The following EIF3H variants were observed in gnomAD, a reference collection of about 807,000 sequenced individuals.
The protein encoded by EIF3H is eIF-3-gamma.
Under a neutral mutation model 44.2 loss-of-function variants are expected in EIF3H, and 26 were observed. That is an observed-to-expected ratio of 0.59 (90% CI 0.43 to 0.82). The LOEUF (loss-of-function observed/expected upper bound fraction) is 0.82, where lower values mean the gene tolerates loss of function less well. EIF3H is among the 40% of genes least tolerant of loss of function. The pLI is 0.00. For synonymous variants in EIF3H, 166 were observed against 151.9 expected (o/e 1.09, Z -0.68); for missense variants, 359 against 432.8 (o/e 0.83, Z 1.51).
chr8:116,676,728 G>A (rs1813854429), intron 2 of EIF3H, among the ~76,000 whole-genome samples: 1 of 152,196 alleles, frequency 6.6e-6, no homozygotes, highest in South Asian at 2.1e-4. Context: ...TCATCCTTCA[G>A]TCTTGGCTTA....
intron 2 of EIF3H, among the ~76,000 whole-genome samples, chr8:116,672,390 C>T (rs1563638475): frequency 6.6e-6 from 1 of 152,178 alleles, no homozygotes; most frequent in Non-Finnish European, 1.5e-5. Context: ...CTTTGGAAGG[C>T]TAAGGCGGGA....
chr8:116,698,799 A>C (rs1350180175), intron 2 of EIF3H, among the ~76,000 whole-genome samples: 1 of 152,176 alleles, frequency 6.6e-6, no homozygotes, highest in African/African-American at 2.4e-5. Flanking sequence ...CTGAGACATA[A>C]ATCACTGTAT....
chr8:116,710,810 T>TA (rs1814561128), intron 2 of EIF3H, among the ~76,000 whole-genome samples: 1 of 152,186 alleles, frequency 6.6e-6, no homozygotes, highest in Non-Finnish European at 1.5e-5. Flanking sequence ...CTCTGGGACT[T>TA]AGTTTCCCAT....
At chr8:116,754,402 C>T (rs919783553) in intron 1 of EIF3H, among the ~76,000 whole-genome samples, 2 of 152,180 alleles carry the variant, frequency 1.3e-5, no homozygotes, top group Non-Finnish European at 2.9e-5. Flanking sequence ...TGAGCCACCA[C>T]GCCCGGCCTG....
chr8:116,663,101 C>T (rs1813608207), intron 2 of EIF3H, among the ~76,000 whole-genome samples: 1 of 152,102 alleles, frequency 6.6e-6, no homozygotes, highest in Admixed American at 6.5e-5. Flanking sequence ...ACTATGAGGT[C>T]CTGCTATTTG....
chr8:116,734,586 C>T (rs1040799979), intron 1 of EIF3H, among the ~76,000 whole-genome samples: 12 of 152,078 alleles, frequency 7.9e-5, no homozygotes, highest in East Asian at 1.9e-4. Context: ...GACAGGATCT[C>T]GCTCTGTCAC....
chr8:116,673,691 C>A (rs945391853), intron 2 of EIF3H, among the ~76,000 whole-genome samples: 3 of 152,138 alleles, frequency 2.0e-5, no homozygotes, highest in African/African-American at 7.2e-5. Context: ...AAGATTCATG[C>A]AAGCATCTTT....
Position 116,735,471 on chromosome 8 carries a change from T to C in EIF3H, c.133-9299A>G, listed in dbSNP as rs114705666. Among the ~76,000 whole-genome samples the C allele has an allele frequency of 2.4e-3, 371 of 152,300 alleles. 4 individuals are homozygous for C. Among genetic ancestry groups the C allele is most frequent in the African/African-American group, 8.7e-3 (362 of 41,544 alleles). On this transcript the variant is annotated intron_variant, in intron 1 of 7. Coordinates refer to ENST00000521861, the MANE Select transcript of EIF3H (RefSeq NM_003756.3). ...AAGACATGTCTACAAATGTTCATGG[T>C]AGCATTATTCATAACAGCTAAAAAC...
chr8:116,726,525 G>A (rs1814843165), intron 1 of EIF3H, among the ~76,000 whole-genome samples: 1 of 152,170 alleles, frequency 6.6e-6, no homozygotes, highest in African/African-American at 2.4e-5. Flanking sequence ...AAGTGATCCT[G>A]TTAATAGACA....
intron 1 of EIF3H, among the ~76,000 whole-genome samples, chr8:116,763,918 T>G (rs894362777): frequency 2.0e-5 from 3 of 152,318 alleles, no homozygotes; most frequent in Admixed American, 6.5e-5. Context: ...GAATCTTTCA[T>G]GAGAAAGTCC....
chr8:116,708,157 T>A (rs113092691), intron 2 of EIF3H, among the ~76,000 whole-genome samples: 26 of 152,230 alleles, frequency 1.7e-4, no homozygotes, highest in Admixed American at 3.3e-4. Context: ...CTTAGGTGTC[T>A]TTAAGTTACA....
intron 2 of EIF3H, among the ~76,000 whole-genome samples, chr8:116,700,711 T>C (rs985654288): frequency 6.6e-6 from 1 of 152,168 alleles, no homozygotes; most frequent in Non-Finnish European, 1.5e-5. Context: ...CATCCATAAG[T>C]AAAACTGGCA....
intron 1 of EIF3H, chr8:116,734,497 T>C (rs878966332): frequency 1.5e-5 from 6 of 400,108 alleles, no homozygotes; most frequent in Non-Finnish European, 2.9e-5. Context: ...GTGGGAGTGA[T>C]ACACGTTCAC....
intron 2 of EIF3H, among the ~76,000 whole-genome samples, chr8:116,681,578 A>C (rs917993618): frequency 1.3e-5 from 2 of 151,116 alleles, no homozygotes; most frequent in African/African-American, 4.9e-5. Flanking sequence ...AGGCAGGAGA[A>C]TCGCTTGAAC....
chr8:116,764,862 T>G (rs1815553040), intron 1 of EIF3H, among the ~76,000 whole-genome samples: 1 of 152,204 alleles, frequency 6.6e-6, no homozygotes, highest in South Asian at 2.1e-4. Context: ...ATAGACCATC[T>G]TCATGTTTTC....
At chr8:116,692,717 T>G (rs1416940665) in intron 2 of EIF3H, among the ~76,000 whole-genome samples, 5 of 152,194 alleles carry the variant, frequency 3.3e-5, no homozygotes, top group South Asian at 2.1e-4. Context: ...AGACATTTAT[T>G]TTAAAAGACT....
chr8:116,734,221 G>A (rs574966426), intron 1 of EIF3H: 6 of 452,436 alleles, frequency 1.3e-5, no homozygotes, highest in South Asian at 3.1e-5. Flanking sequence ...TACAGATTGC[G>A]GAAATTGCTA....
At chr8:116,752,748 AGAAAGAGGGAGGGAGGGAGGGAGG>A (rs1815374187) in intron 1 of EIF3H, among the ~76,000 whole-genome samples, 5 of 104,442 alleles carry the variant, frequency 4.8e-5, no homozygotes, top group African/African-American at 1.7e-4. Flanking sequence ...AAAGAAAGAA[AGAAAGAGGGAGGGAGGGAGGGAGG>A]GAGGGAGGGA....
At chr8:116,650,628 A>G (rs1421660070) in intron 5 of EIF3H, among the ~76,000 whole-genome samples, 1 of 152,212 alleles carries the variant, frequency 6.6e-6, no homozygotes, top group East Asian at 1.9e-4. Context: ...ACATTTGCTA[A>G]GGGAAAGAAG....
Sources: gnomAD v4.1 joint callset for allele counts (sites outside exome capture counted in the v4.1 genomes callset) on GRCh38, gnomAD v4.1.1 for gene constraint, MANE v1.5 for transcripts, NCBI Gene and HGNC (gene_info 2026-07-23, HGNC 2026-07-21) for gene names.